The following TCOF1 variants were observed in gnomAD, a reference collection of about 807,000 sequenced individuals.
TCOF1 encodes treacle ribosome biogenesis factor 1.
A neutral mutation model predicts 149.0 loss-of-function variants in TCOF1; 33 were observed. The ratio of observed to expected loss-of-function variants is 0.22; its 90% CI spans 0.17 to 0.30. The LOEUF (loss-of-function observed/expected upper bound fraction) is 0.30, where lower values mean the gene tolerates loss of function less well. TCOF1 is among the 10% of genes least tolerant of loss of function. The pLI, the probability that TCOF1 is intolerant of heterozygous loss-of-function variation, is 1.00. For synonymous variants in TCOF1, 789 were observed against 738.8 expected, an observed-to-expected ratio of 1.07 and a Z score of -1.10; for missense variants, 1,728 against 1,840.7, an observed-to-expected ratio of 0.94 and a Z score of 1.12.
chr5:150,376,133 A>G lies in TCOF1; in HGVS notation c.1945A>G (p.Asn649Asp). The G allele has an allele frequency of 6.2e-7, 1 of 1,614,228 alleles. No individual in the cohort carries two copies. The highest frequency in any genetic ancestry group is 8.5e-7 in the Non-Finnish European group (1 of 1,180,038). The change falls in exon 13 of 27, where the codon AAT becomes GAT. Residue 649 changes from asparagine (N) to aspartate (D), a missense_variant. Physicochemically the swap from Asn to Asp is conservative, Grantham distance 23 (BLOSUM62 1). Around this residue, in one of 2 missense-constraint regions of TCOF1, gnomAD observed 1,696 missense variants for 1,765.4 expected, o/e 0.96. Coordinates refer to ENST00000643257, the MANE Select transcript of TCOF1 (RefSeq NM_001371623.1). ...PQTKACPKKT[N>D]TTASAKVAPV... is the part of the protein sequence containing the mutation. ...GACCAAGGCCTGCCCAAAGAAAACC[A>G]ATACCACTGCATCTGCCAAGGTCGC...
Position 150,375,789 on chromosome 5 carries a change from G to T in TCOF1, c.1773G>T (p.Lys591Asn), listed in dbSNP as rs2150725194. 1 of 1,614,250 alleles carries T rather than the reference G, an allele frequency of 6.2e-7. No individual in the cohort carries two copies. The highest frequency in any genetic ancestry group is 2.2e-5 in the East Asian group (1 of 44,872). ...GTCCTGCCAAGGGGCCCCCTCAGAA[G>T]GCAGGGCCTGTAGCCGTCCAGGTCA... is the stretch of plus-strand genomic sequence containing the variant. Reference protein sequence around the residue: ...TSSPAKGPPQKAGPVAVQVKA... With the variant: ...TSSPAKGPPQNAGPVAVQVKA... Residue 591 changes from lysine (K) to asparagine (N), a missense_variant, in exon 12 of 27, where the codon AAG becomes AAT. Transcript: ENST00000643257.
chr5:150,387,768 GA>G, intron 17 of TCOF1, 133 bp from the exon 18 acceptor site: 1 of 1,255,874 alleles, frequency 8.0e-7, no homozygotes, highest in Non-Finnish European at 1.1e-6. Flanking sequence ...TGGGCAGCTG[GA>G]ATGGCTTCTG....
intron 7 of TCOF1, among the ~76,000 whole-genome samples, chr5:150,373,006 C>T (rs529041762): frequency 6.6e-5 from 10 of 152,298 alleles, no homozygotes; most frequent in East Asian, 3.9e-4. Context: ...GGAACTTCTA[C>T]GCCTCGGCTG....
At chr5:150,390,868 G>C (rs1767285129) in intron 19 of TCOF1, among the ~76,000 whole-genome samples, 1 of 152,202 alleles carries the variant, frequency 6.6e-6, no homozygotes, top group Non-Finnish European at 1.5e-5. Flanking sequence ...CAGTCAGGGA[G>C]TGGTGAGGGG....
At position 150,379,661 on chromosome 5, in the gene TCOF1, G is replaced by T. The variant is rs1344576552; in HGVS notation, c.2788G>T (p.Asp930Tyr). ...TTCGGCTGCCCAGGCAGGGAAGCAG[G>T]ATGACTCAGGGAGCAGCAGCGAGGA... ...GPSAAQAGKQ[D>Y]DSGSSSEESD... Residue 930 changes from aspartate (D) to tyrosine (Y), a missense_variant, in exon 17 of 27, where the codon GAT (aspartate) becomes TAT (tyrosine). This residue lies in a region of TCOF1 where 1,696 missense variants were observed against 1,765.4 expected (regional missense o/e 0.96). Transcript: ENST00000643257. 1 of 1,614,208 alleles carries T rather than the reference G, an allele frequency of 6.2e-7. No individual in the cohort carries two copies. The highest frequency in any genetic ancestry group is 1.7e-5 in the Admixed American group (1 of 60,024).
At position 150,398,319 on chromosome 5, in the gene TCOF1, T is replaced by G. The variant is rs539908800; in HGVS notation, c.4346-35T>G. On this transcript the variant is annotated intron_variant, in intron 24 of 26. Coordinates refer to ENST00000643257, the MANE Select transcript of TCOF1 (RefSeq NM_001371623.1). Reference sequence around the variant, plus strand: ...TTGACCCCAGCACTTAGGATTACCATCTGTTGTTCAGGAACTTTACTTTAC... The same window carrying G: ...TTGACCCCAGCACTTAGGATTACCAGCTGTTGTTCAGGAACTTTACTTTAC... 1.2e-5 allele frequency: 20 copies of G among 1,612,262 alleles called. No homozygotes were observed. In the South Asian group the frequency reaches 2.2e-4, roughly 18 times the overall value.
chr5:150,371,249 C>T (rs138145442), intron 6 of TCOF1, among the ~76,000 whole-genome samples: 250 of 152,252 alleles, frequency 1.6e-3, no homozygotes, highest in Non-Finnish European at 2.1e-3. Context: ...CCCATCTACC[C>T]CAGGCCTTAC....
chr5:150,361,449 T>G (rs1278484255), intron 2 of TCOF1, among the ~76,000 whole-genome samples: 1 of 152,202 alleles, frequency 6.6e-6, no homozygotes, highest in African/African-American at 2.4e-5. Flanking sequence ...CTCACCAGCT[T>G]GTCAGTTGCT....
intron 8 of TCOF1, 26 bp downstream of exon 8, chr5:150,374,412 T>C (rs770096707): frequency 1.9e-6 from 3 of 1,551,024 alleles, no homozygotes; most frequent in Admixed American, 2.0e-5. Flanking sequence ...GGAGACTCCA[T>C]GCAGCCAGGC....
At chr5:150,367,609 C>T in intron 3 of TCOF1, 1 of 544,834 alleles carries the variant, frequency 1.8e-6, no homozygotes, top group Non-Finnish European at 3.4e-6. Flanking sequence ...GTTGGGAATC[C>T]ATCAAGGATG....
chr5:150,378,836 C>CCAG, intron 14 of TCOF1, 69 bp from the exon 15 acceptor site: 1 of 1,610,368 alleles, frequency 6.2e-7, no homozygotes, highest in African/African-American at 1.3e-5. Flanking sequence ...GCTCCAGAGT[C>CCAG]TGTATTCTTG....
intron 17 of TCOF1, among the ~76,000 whole-genome samples, chr5:150,382,552 A>G (rs1372416242): frequency 2.0e-5 from 3 of 152,224 alleles, no homozygotes. Context: ...CATCACCACC[A>G]GCATTTCCAC....
At chr5:150,389,058 TAGTG>T (rs1766857683) in intron 18 of TCOF1, among the ~76,000 whole-genome samples, 2 of 152,206 alleles carry the variant, frequency 1.3e-5, no homozygotes, top group Non-Finnish European at 2.9e-5. Context: ...CTGGGCAACA[TAGTG>T]AGAGCCCTAT....
rs1251063109 is a variant in TCOF1 at position 150,396,284 on chromosome 5, G to A, written c.3787G>A (p.Gly1263Arg). The A allele has an allele frequency of 1.2e-6, 2 of 1,613,906 alleles. No homozygotes were observed. Among genetic ancestry groups the A allele is most frequent in the African/African-American group, 1.3e-5 (1 of 74,912 alleles). The change falls in exon 24 of 27, where the codon GGA becomes AGA. Residue 1263 changes from glycine to arginine, a missense_variant and splice_region_variant. By Grantham distance (125) the Gly-to-Arg change is moderately radical. Transcript: ENST00000643257. ...GACCCCACATTCTCTCTCCATAGGT[G>A]GAAAAGAGGCTGCTTCAGGCACCAC... ...AAGMLSPKTGGKEAASGTTPQ... is the reference protein window; with the variant it reads ...AAGMLSPKTGRKEAASGTTPQ...
At chr5:150,381,764 G>C (rs1229811352) in intron 17 of TCOF1, among the ~76,000 whole-genome samples, 1 of 152,240 alleles carries the variant, frequency 6.6e-6, no homozygotes, top group African/African-American at 2.4e-5. Context: ...GGGATTGACT[G>C]TCTTAAAGTG....
At position 150,357,963 on chromosome 5, in the gene TCOF1, C is replaced by T. The variant is rs913104248; in HGVS notation, c.108+109C>T. On this transcript the variant is annotated intron_variant, in intron 1 of 26. Transcript: ENST00000643257. ...ACCCGGCAGGCGCCCGGAGCCGGGT[C>T]CCGCAGTGCTCGACGGCGCGGCCAG... is the stretch of plus-strand genomic sequence containing the variant. 9 of 1,161,996 alleles carry T rather than the reference C, an allele frequency of 7.7e-6. No homozygotes were observed. The African/African-American group carries it at 1.1e-4, about 14-fold the overall frequency. The allele number at this position is 1,161,996 out of a possible 1,614,324, so 72.0% of individuals were successfully genotyped here. A position where few individuals can be genotyped will look rare whatever the true frequency, so the allele number is the denominator to read the frequency against.
intron 23 of TCOF1, among the ~76,000 whole-genome samples, chr5:150,395,430 G>C (rs1373775487): frequency 2.0e-5 from 3 of 152,178 alleles, no homozygotes; most frequent in Non-Finnish European, 4.4e-5. Flanking sequence ...TTCAGCTGCA[G>C]CTTGCCCCAG....
rs748999144 is a variant in TCOF1, at chr5:150,374,157, C to G, written c.871-17C>G. The G allele has an allele frequency of 2.0e-5, 32 of 1,606,998 alleles. 1 individual carries two copies. The South Asian group carries it at 3.1e-4, about 16-fold the overall frequency. ...TTTCACAAGCAGGAGAGCAAGCTGC[C>G]CTTTCTTTTTCACCAGGTAAAGGCC... On this transcript the variant is annotated splice_polypyrimidine_tract_variant and intron_variant, in intron 7 of 26. Transcript: ENST00000643257.
At chr5:150,359,075 G>A (rs1314661923) in intron 1 of TCOF1, among the ~76,000 whole-genome samples, 3 of 151,924 alleles carry the variant, frequency 2.0e-5, no homozygotes, top group African/African-American at 7.3e-5. Flanking sequence ...GGCCAGGTAC[G>A]GTAGCTCACG....
Sources: allele counts gnomAD v4.1 joint callset (sites outside exome capture counted in the v4.1 genomes callset), GRCh38; gene constraint gnomAD v4.1.1; regional missense constraint gnomAD v4.1.1; transcripts MANE v1.5; gene names NCBI Gene and HGNC (gene_info 2026-07-23, HGNC 2026-07-21).